PCDHGA1: variants seen among roughly 807,000 people sequenced by gnomAD.
PCDHGA1 encodes protocadherin gamma-A1.
Under a neutral mutation model 58.0 loss-of-function variants are expected in PCDHGA1, and 32 were observed. The observed-to-expected ratio is 0.55, with a 90% CI of 0.42 to 0.74. The LOEUF (loss-of-function observed/expected upper bound fraction) is 0.74. Ranked by LOEUF, PCDHGA1 falls within the 30% of genes least tolerant of loss-of-function variation. The pLI, the probability that PCDHGA1 is intolerant of heterozygous loss-of-function variation, is 0.00. For missense variants in PCDHGA1, 1,205 were observed against 1,182.3 expected (o/e 1.02, Z -0.28); for synonymous variants, 498 against 501.1 (o/e 0.99, Z 0.08).
At chr5:141,386,425 C>T (rs996269178) in intron 1 of PCDHGA1, among the ~76,000 whole-genome samples, 2 of 151,916 alleles carry the variant, frequency 1.3e-5, no homozygotes, top group East Asian at 1.9e-4. Context: ...AGCTGTAGCC[C>T]ACCTGCATGG....
At position 141,476,172 on chromosome 5, in the gene PCDHGA1, T is replaced by C; in HGVS notation, c.2422-18635T>C. 6.2e-7 allele frequency: 1 copy of C among 1,612,930 alleles called. No individual in the cohort carries two copies. The highest frequency in any genetic ancestry group is 1.1e-5 in the South Asian group (1 of 91,026). On this transcript the variant is annotated intron_variant, in intron 1 of 3. Coordinates refer to ENST00000517417, the MANE Select transcript of PCDHGA1 (RefSeq NM_018912.3). This position sits in a 1 kb window ranked among gnomAD's most constrained non-coding sequence, Gnocchi z 7.6. ...GTAAGCACCGGGAGGGTAGTGGGAG[T>C]TTTGCTTCTGCTTGGTGCCTTGAAC...
intron 2 of PCDHGA1, among the ~76,000 whole-genome samples, chr5:141,497,264 A>G (rs2154592078): frequency 6.6e-6 from 1 of 152,258 alleles, no homozygotes; most frequent in East Asian, 1.9e-4. Flanking sequence ...GAGAAGTTCT[A>G]GGCCATTTAT....
intron 1 of PCDHGA1, chr5:141,419,005 C>G: frequency 6.2e-7 from 1 of 1,613,944 alleles, no homozygotes; most frequent in Non-Finnish European, 8.5e-7. Context: ...ATGGGGAAGT[C>G]AGGTGTAGCT....
chr5:141,462,983 T>C (rs530985795), intron 1 of PCDHGA1, among the ~76,000 whole-genome samples: 278 of 152,304 alleles, frequency 1.8e-3, no homozygotes, highest in Non-Finnish European at 3.4e-3. Flanking sequence ...AACTTTTGCC[T>C]TGGGCTAATT....
At chr5:141,351,267 A>G (rs1469509161) in intron 1 of PCDHGA1, 1 of 1,614,032 alleles carries the variant, frequency 6.2e-7, no homozygotes, top group Admixed American at 1.7e-5. Context: ...ATTGTTGACG[A>G]GAATGACAAT....
chr5:141,359,918 T>C (rs1383987638), intron 1 of PCDHGA1: 2 of 439,790 alleles, frequency 4.5e-6, no homozygotes, highest in African/African-American at 2.0e-5. Flanking sequence ...TGCAGTTTCC[T>C]GAGAAAACCT....
At chr5:141,456,701 G>C (rs370086323) in intron 1 of PCDHGA1, among the ~76,000 whole-genome samples, 1 of 151,988 alleles carries the variant, frequency 6.6e-6, no homozygotes. Flanking sequence ...GTGGTGGCTC[G>C]CGCCTGTAAT....
intron 1 of PCDHGA1, chr5:141,350,796 C>G: frequency 1.2e-6 from 2 of 1,613,966 alleles, no homozygotes; most frequent in Middle Eastern, 3.3e-4. Flanking sequence ...TCTCTGTCAA[C>G]GAAGGAAAGT....
intron 1 of PCDHGA1, chr5:141,384,672 G>A (rs1316537355): frequency 6.2e-7 from 1 of 1,614,086 alleles, no homozygotes; most frequent in Non-Finnish European, 8.5e-7. Flanking sequence ...TGACCAAGGT[G>A]GTGGCGGTGG....
At chr5:141,355,340 A>G (rs1203546160) in intron 1 of PCDHGA1, 1 of 1,614,038 alleles carries the variant, frequency 6.2e-7, no homozygotes, top group Non-Finnish European at 8.5e-7. Flanking sequence ...GTGGTGGGCA[A>G]CATCGCCAAG....
chr5:141,397,965 C>G (rs2093591451), intron 1 of PCDHGA1: 3 of 1,077,486 alleles, frequency 2.8e-6, no homozygotes, highest in South Asian at 1.7e-5. Context: ...AGCTCAGACT[C>G]CCCAGCGCCG....
At chr5:141,478,926 G>A in intron 1 of PCDHGA1, 1 of 687,216 alleles carries the variant, frequency 1.5e-6, no homozygotes, top group Non-Finnish European at 2.3e-6. Flanking sequence ...CTAACCAGTG[G>A]CAGCTTCTAG....
rs1212478322 is a variant in PCDHGA1 at position 141,485,871 on chromosome 5, T to G, written c.2422-8936T>G. ...ACCGCAGAGCTCCGGGTATCCGTGC[T>G]GGACGTAAACGACAACGCCCCAGCC... On this transcript the variant is annotated intron_variant, in intron 1 of 3. Coordinates refer to ENST00000517417, the MANE Select transcript of PCDHGA1 (RefSeq NM_018912.3). The surrounding 1 kb of genome is among the most constrained non-coding windows in gnomAD (Gnocchi z 5.7). 6.2e-7 allele frequency: 1 copy of G among 1,614,196 alleles called. No homozygotes were observed. The highest frequency in any genetic ancestry group is 8.5e-7 in the Non-Finnish European group (1 of 1,180,032).
At chr5:141,498,991 AG>A (rs1449718352) in intron 2 of PCDHGA1, among the ~76,000 whole-genome samples, 8 of 144,362 alleles carry the variant, frequency 5.5e-5, no homozygotes, top group Non-Finnish European at 1.0e-4. Context: ...GAAGGAAGGA[AG>A]GAAGGAAGGA....
In PCDHGA1 at chr5:141,491,789, T is replaced by G; in HGVS notation, c.2422-3018T>G. The G allele has an allele frequency of 6.6e-7, 1 of 1,525,854 alleles. No individual in the cohort carries two copies. Among genetic ancestry groups the G allele is most frequent in the Non-Finnish European group, 8.8e-7 (1 of 1,137,340 alleles). The allele number at this position is 1,525,854 out of a possible 1,614,324, so 94.5% of individuals were successfully genotyped here. ...CATAAGGGATTGAACTTGCATCCAC[T>G]CCTCTCCGGCCGGCTTGGTCGCTGG... On this transcript the variant is annotated intron_variant, in intron 1 of 3. Transcript: ENST00000517417. The surrounding 1 kb of genome is among the most constrained non-coding windows in gnomAD (Gnocchi z 6.9).
At chr5:141,370,057 C>G (rs180898728) in intron 1 of PCDHGA1, among the ~76,000 whole-genome samples, 1 of 152,268 alleles carries the variant, frequency 6.6e-6, no homozygotes, top group East Asian at 1.9e-4. Flanking sequence ...TTTAAAAGTC[C>G]TTTTAAAATG....
At chr5:141,370,509 G>T (rs1353191551) in intron 1 of PCDHGA1, 2 of 1,613,920 alleles carry the variant, frequency 1.2e-6, no homozygotes, top group South Asian at 1.1e-5. Flanking sequence ...CGCTATTCCC[G>T]AGGAGCTGGA....
At chr5:141,414,646 A>G in intron 1 of PCDHGA1, 2 of 1,613,928 alleles carry the variant, frequency 1.2e-6, no homozygotes, top group Non-Finnish European at 1.7e-6. Context: ...GAATGCCCAG[A>G]TTATTTACTC....
intron 1 of PCDHGA1, chr5:141,423,431 G>T: frequency 6.2e-7 from 1 of 1,614,010 alleles, no homozygotes; most frequent in South Asian, 1.1e-5. Context: ...GGGTTGGCAG[G>T]TATGCCCACG....
Sources: allele counts gnomAD v4.1 joint callset (sites outside exome capture counted in the v4.1 genomes callset), GRCh38; gene constraint gnomAD v4.1.1; non-coding constraint Gnocchi (gnomAD v3.1); transcripts MANE v1.5; gene names NCBI Gene and HGNC (gene_info 2026-07-23, HGNC 2026-07-21).